The following ARHGEF11 variants were observed in gnomAD, a reference collection of about 807,000 sequenced individuals.
ARHGEF11 encodes the protein Rho guanine exchange factor (GEF) 11.
Under a neutral mutation model 193.7 loss-of-function variants are expected in ARHGEF11, and 55 were observed. The ratio of observed to expected loss-of-function variants is 0.28; its 90% CI spans 0.23 to 0.36. The LOEUF is 0.36. Ranked by LOEUF, ARHGEF11 falls within the 10% of genes least tolerant of loss-of-function variation. ARHGEF11 has a pLI of 1.00. For missense variants in ARHGEF11, 1,723 were observed against 2,005.6 expected (o/e 0.86, Z 2.69); for synonymous variants, 693 against 768.0 (o/e 0.90, Z 1.62).
chr1:156,963,383 C>A (rs1289231251), intron 12 of ARHGEF11, 79 bp from the exon 13 acceptor site: 1 of 1,499,628 alleles, frequency 6.7e-7, no homozygotes, highest in African/African-American at 1.4e-5. Context: ...CCATGTGATT[C>A]CCCGTCCTGG....
At chr1:157,008,633 C>T (rs1668191527) in intron 1 of ARHGEF11, among the ~76,000 whole-genome samples, 1 of 152,180 alleles carries the variant, frequency 6.6e-6, no homozygotes, top group African/African-American at 2.4e-5. Context: ...GGATTTTCCC[C>T]CAGTGGCAGA....
At chr1:156,946,572 G>A (rs1469493825) in intron 28 of ARHGEF11, 90 bp downstream of exon 28, 75 of 1,575,708 alleles carry the variant, frequency 4.8e-5, no homozygotes, top group Non-Finnish European at 5.9e-5. Context: ...CTGTAGACAG[G>A]GATGATGTGG....
At chr1:157,038,029 C>CAAAAAAAAAAAA (rs145416871) in intron 1 of ARHGEF11, among the ~76,000 whole-genome samples, 3 of 45,502 alleles carry the variant, frequency 6.6e-5, no homozygotes, top group African/African-American at 2.8e-4. Flanking sequence ...AAGACTGTCT[C>CAAAAAAAAAAAA]AAAAAAAAAA....
rs746692745 is a variant in ARHGEF11, at chr1:156,943,966, G to A, written c.3204C>T (p.Leu1068=). 1.2e-6 allele frequency: 2 copies of A among 1,614,070 alleles called. No homozygotes were observed. The highest frequency in any genetic ancestry group is 1.7e-6 in the Non-Finnish European group (2 of 1,179,962). ...SKQTFSPVLK[L]NAVLIRSVAT... ...CCACAGAGCGGATGAGCACAGCATT[G>A]AGCTTGAGCACGGGGCTGAAGGTCT... Residue 1068 remains leucine, a synonymous_variant, in exon 32 of 41, where the codon CTC becomes CTT. Coordinates refer to ENST00000368194, the MANE Select transcript of ARHGEF11 (RefSeq NM_198236.3).
At chr1:156,981,340 G>A (rs1308824535) in intron 3 of ARHGEF11, among the ~76,000 whole-genome samples, 1 of 152,068 alleles carries the variant, frequency 6.6e-6, no homozygotes, top group Non-Finnish European at 1.5e-5. Context: ...TCCATACTCA[G>A]CCCAGTTTCT....
chr1:157,011,872 T>C (rs755866462), intron 1 of ARHGEF11, among the ~76,000 whole-genome samples: 1 of 152,190 alleles, frequency 6.6e-6, no homozygotes, highest in African/African-American at 2.4e-5. Flanking sequence ...GCTTAATACA[T>C]TGCTGGTGGG....
intron 1 of ARHGEF11, among the ~76,000 whole-genome samples, chr1:157,025,794 G>A (rs1378898378): frequency 6.6e-6 from 1 of 152,086 alleles, no homozygotes; most frequent in Non-Finnish European, 1.5e-5. Context: ...GTGTCCTATG[G>A]GAACCCAGGC....
At chr1:156,967,577 T>C (rs1168824597) in intron 11 of ARHGEF11, among the ~76,000 whole-genome samples, 1 of 152,164 alleles carries the variant, frequency 6.6e-6, no homozygotes, top group East Asian at 1.9e-4. Context: ...TGAGTTTTTT[T>C]TTTTTCTTTT....
rs1336148 is a variant in ARHGEF11 at position 156,970,385 on chromosome 1, G to A, written c.703-342C>T. 4.3e-4 allele frequency among the ~76,000 whole-genome samples: 66 copies of A among 152,342 alleles called. 1 individual carries two copies. In the East Asian group the frequency reaches 0.012, roughly 27 times the overall value. ...AGACTCAAGCAGGTGACCGAGGGAA[G>A]ATATAAAAGGTTTACCTTTGGAGAT... On this transcript the variant is annotated intron_variant, in intron 8 of 40. Transcript: ENST00000368194.
chr1:157,000,833 T>TA (rs2102671366), intron 1 of ARHGEF11, among the ~76,000 whole-genome samples: 1 of 152,252 alleles, frequency 6.6e-6, no homozygotes, highest in South Asian at 2.1e-4. Flanking sequence ...CATGGCAACC[T>TA]AAGCTCCCAG....
chr1:156,948,338 T>G lies in ARHGEF11; in HGVS notation c.2086A>C (p.Thr696Pro), dbSNP rs1442514902. The change falls in exon 23 of 41, where the codon ACC (threonine) becomes CCC (proline). Residue 696 changes from threonine to proline, a missense_variant. Coordinates refer to ENST00000368194, the MANE Select transcript of ARHGEF11 (RefSeq NM_198236.3). The surrounding 1 kb of genome is among the most constrained non-coding windows in gnomAD (Gnocchi z 4.2). ...GCCCACCTGGTGGAGAGGCTGGAGG[T>G]AGAGGACGAGGCTGACTGGTGCAGG... is the stretch of plus-strand genomic sequence containing the variant. ...TRLHQSASSS[T>P]SSLSTRSLEN... The G allele has an allele frequency of 1.2e-6, 2 of 1,613,822 alleles. No homozygotes were observed. Among genetic ancestry groups the G allele is most frequent in the Non-Finnish European group, 1.7e-6 (2 of 1,179,946 alleles).
intron 22 of ARHGEF11, among the ~76,000 whole-genome samples, chr1:156,950,992 T>C (rs557891019): frequency 6.6e-6 from 1 of 152,362 alleles, no homozygotes; most frequent in Admixed American, 6.5e-5. Flanking sequence ...ATATGAGAGA[T>C]GCCAGTCTCA....
Position 156,945,162 on chromosome 1 carries a change from G to C in ARHGEF11, c.2848C>G (p.Arg950Gly), listed in dbSNP as rs751287525. 90 of 1,613,934 alleles carry C rather than the reference G, an allele frequency of 5.6e-5. No individual in the cohort carries two copies. Among genetic ancestry groups the C allele is most frequent in the Non-Finnish European group, 4.3e-5 (51 of 1,179,986 alleles). Residue 950 changes from arginine (R) to glycine (G), a missense_variant, in exon 30 of 41, where the codon CGG becomes GGG. By Grantham distance (125) the Arg-to-Gly change is moderately radical (BLOSUM62 -2). Coordinates refer to ENST00000368194, the MANE Select transcript of ARHGEF11 (RefSeq NM_198236.3). ...TTGAGAATCTCCCGGCACTGGTCCC[G>C]GGCCCGGCACAGCTTCTCATGCTCA... is the stretch of plus-strand genomic sequence containing the variant. The part of the protein sequence containing the change: ...TSEHEKLCRA[R>G]DQCREILKYV...
intron 1 of ARHGEF11, among the ~76,000 whole-genome samples, chr1:157,033,923 T>C (rs1474895193): frequency 5.9e-5 from 9 of 152,228 alleles, no homozygotes; most frequent in Admixed American, 5.9e-4. Context: ...GGTGCTATCA[T>C]ACTTACTTCT....
At chr1:157,025,067 A>C (rs1436418699) in intron 1 of ARHGEF11, among the ~76,000 whole-genome samples, 1 of 152,230 alleles carries the variant, frequency 6.6e-6, no homozygotes, top group Non-Finnish European at 1.5e-5. Flanking sequence ...CAGGCACATC[A>C]ACTTAGGATC....
At chr1:157,027,579 G>C (rs1670804814) in intron 1 of ARHGEF11, among the ~76,000 whole-genome samples, 4 of 152,200 alleles carry the variant, frequency 2.6e-5, no homozygotes. Flanking sequence ...TTTTGAACTG[G>C]TATTTGAAGG....
intron 1 of ARHGEF11, among the ~76,000 whole-genome samples, chr1:156,996,632 G>C (rs1295561551): frequency 6.6e-6 from 1 of 151,658 alleles, no homozygotes; most frequent in Non-Finnish European, 1.5e-5. Flanking sequence ...AATTAGCCGG[G>C]CGTGGTAGCG....
chr1:157,028,166 A>C (rs1356258309), intron 1 of ARHGEF11, among the ~76,000 whole-genome samples: 1 of 152,244 alleles, frequency 6.6e-6, no homozygotes, highest in Non-Finnish European at 1.5e-5. Flanking sequence ...GGAGCAATGG[A>C]TAAACTGAAC....
chr1:156,990,995 AATTT>A, intron 1 of ARHGEF11, among the ~76,000 whole-genome samples: 1 of 152,264 alleles, frequency 6.6e-6, no homozygotes, highest in Non-Finnish European at 1.5e-5. Context: ...GAGTTAGAAA[AATTT>A]ATTATAAATT....
Sources: gnomAD v4.1 joint callset for allele counts (sites outside exome capture counted in the v4.1 genomes callset) on GRCh38, gnomAD v4.1.1 for gene constraint, Gnocchi (gnomAD v3.1) non-coding constraint, MANE v1.5 for transcripts, NCBI Gene and HGNC (gene_info 2026-07-23, HGNC 2026-07-21) for gene names.